The following KIAA1217 variants were observed in gnomAD, a reference collection of about 807,000 sequenced individuals.
The protein encoded by KIAA1217 is KIAA1217.
KIAA1217 carries 88 observed loss-of-function variants against 163.9 expected under a neutral mutation model. The ratio of observed to expected loss-of-function variants is 0.54; its 90% CI spans 0.45 to 0.64. The LOEUF (loss-of-function observed/expected upper bound fraction) is 0.64. Among genes scored for constraint, KIAA1217 ranks in the 30% least tolerant of loss-of-function variants. The probability of loss-of-function intolerance (pLI) is 0.00; values close to 1 mark genes in which losing one functional copy is unlikely to be tolerated. For synonymous variants in KIAA1217, 903 were observed against 923.1 expected (o/e 0.98, Z 0.39); for missense variants, 2,372 against 2,475.0 (o/e 0.96, Z 0.88).
chr10:24,055,133 G>A (rs553334102), intron 2 of KIAA1217, among the ~76,000 whole-genome samples: 1 of 152,222 alleles, frequency 6.6e-6, no homozygotes, highest in Non-Finnish European at 1.5e-5. Flanking sequence ...CAGGCATGGT[G>A]GCATGCACCT....
intron 2 of KIAA1217, among the ~76,000 whole-genome samples, chr10:24,178,928 G>T (rs2066038305): frequency 6.6e-6 from 1 of 152,084 alleles, no homozygotes; most frequent in Admixed American, 6.6e-5. Flanking sequence ...TAAATCATAA[G>T]TCAGATGTCA....
rs187823084 is a variant in KIAA1217 at position 24,298,145 on chromosome 10, A to G, written c.354+78236A>G. On this transcript the variant is annotated intron_variant, in intron 2 of 20. Coordinates refer to ENST00000376454, the MANE Select transcript of KIAA1217 (RefSeq NM_019590.5). ...GAGGATACTGTCCTTTGTTTTGTTT[A>G]GAACTTTACTATACAGTAATGTCTC... is the stretch of plus-strand genomic sequence containing the variant. Among the ~76,000 whole-genome samples, 212 of 152,330 alleles carry G rather than the reference A, an allele frequency of 1.4e-3. 1 individual carries two copies. Among genetic ancestry groups the G allele is most frequent in the Admixed American group, 9.3e-3 (142 of 15,292 alleles).
intron 1 of KIAA1217, among the ~76,000 whole-genome samples, chr10:23,920,678 G>A (rs1177380469): frequency 6.6e-6 from 1 of 152,088 alleles, no homozygotes; most frequent in African/African-American, 2.4e-5. Flanking sequence ...TCAGTGACAG[G>A]GACTTCTCTG....
At chr10:24,450,759 C>G (rs766187527) in intron 5 of KIAA1217, among the ~76,000 whole-genome samples, 1 of 152,130 alleles carries the variant, frequency 6.6e-6, no homozygotes, top group African/African-American at 2.4e-5. Context: ...AAAACCAAGG[C>G]TCAGAGAGGA....
chr10:23,864,072 G>GTTA (rs148144520), intron 1 of KIAA1217, among the ~76,000 whole-genome samples: 13,186 of 149,088 alleles, frequency 0.088, 620 homozygotes, highest in Admixed American at 0.1. Context: ...TTGTAAAGTA[G>GTTA]TTATTATTAT....
Position 24,543,219 on chromosome 10 carries a change from T to C in KIAA1217, c.3949T>C (p.Cys1317Arg), listed in dbSNP as rs927194831. ...KEMEKQNTDK[C>R]HVSSHTRLTE... ...GATGGAAAAGCAAAATACGGATAAG[T>C]GTCACGTTTCCTCTCACACTAGACT... The change falls in exon 19 of 21, where the codon TGT becomes CGT. Residue 1317 changes from cysteine to arginine, a missense_variant. This residue lies in a region of KIAA1217 where 251 missense variants were observed against 327.3 expected (regional missense o/e 0.77). Transcript: ENST00000376454. 1 of 1,613,038 alleles carries C rather than the reference T, an allele frequency of 6.2e-7. No homozygotes were observed. Among genetic ancestry groups the C allele is most frequent in the African/African-American group, 1.3e-5 (1 of 74,674 alleles).
At chr10:23,784,946 A>G (rs939022303) in intron 1 of KIAA1217, among the ~76,000 whole-genome samples, 11 of 152,112 alleles carry the variant, frequency 7.2e-5, no homozygotes, top group African/African-American at 2.7e-4. Flanking sequence ...AAAAAAACCA[A>G]CGCTTTTGAA....
intron 2 of KIAA1217, among the ~76,000 whole-genome samples, chr10:24,142,989 T>G (rs1192007981): frequency 6.6e-6 from 1 of 152,202 alleles, no homozygotes; most frequent in East Asian, 1.9e-4. Context: ...CGTATACCCT[T>G]AAAAAGCAGA....
Position 24,528,015 on chromosome 10 carries a change from A to G in KIAA1217, c.2978A>G (p.Glu993Gly). 1 of 1,614,066 alleles carries G rather than the reference A, an allele frequency of 6.2e-7. No individual in the cohort carries two copies. Among genetic ancestry groups the G allele is most frequent in the Admixed American group, 1.7e-5 (1 of 60,024 alleles). Residue 993 changes from glutamate to glycine, a missense_variant, in exon 14 of 21, where the codon GAA (glutamate) becomes GGA (glycine). This residue lies in a region of KIAA1217 where 1,431 missense variants were observed against 1,470.3 expected (regional missense o/e 0.97). Transcript: ENST00000376454. ...NGKEFEKLLE[E>G]AQANIMKSIP... ...AAAGAGTTTGAGAAGCTCCTAGAAG[A>G]AGCTCAGGCCAATATCATGAAGTCA...
intron 9 of KIAA1217, among the ~76,000 whole-genome samples, chr10:24,511,254 A>T (rs760672480): frequency 2.7e-5 from 4 of 150,408 alleles, no homozygotes; most frequent in Non-Finnish European, 4.4e-5. Flanking sequence ...GAGATTAGCC[A>T]CAAGGGAAGC....
chr10:24,231,304 C>T (rs986159343), intron 2 of KIAA1217, among the ~76,000 whole-genome samples: 3 of 151,940 alleles, frequency 2.0e-5, no homozygotes, highest in African/African-American at 4.8e-5. Flanking sequence ...TAACGGAGTG[C>T]GACTCTGTCT....
chr10:23,867,802 T>A (rs1225722344), intron 1 of KIAA1217, among the ~76,000 whole-genome samples: 2 of 152,166 alleles, frequency 1.3e-5, no homozygotes, highest in African/African-American at 4.8e-5. Context: ...TTCTGTAGGT[T>A]GCCTGTTCAC....
intron 1 of KIAA1217, among the ~76,000 whole-genome samples, chr10:23,790,516 T>TACATGTGC (rs1835829045): frequency 9.6e-6 from 1 of 103,692 alleles, no homozygotes; most frequent in African/African-American, 4.9e-5. Context: ...TATACATATG[T>TACATGTGC]ATATATACAT....
chr10:24,081,367 G>C (rs2061532744), intron 2 of KIAA1217, among the ~76,000 whole-genome samples: 1 of 152,172 alleles, frequency 6.6e-6, no homozygotes, highest in African/African-American at 2.4e-5. Flanking sequence ...TACCAAGGCA[G>C]AGTTTCTGTC....
intron 5 of KIAA1217, chr10:24,449,348 T>G (rs141949246): frequency 5.2e-5 from 26 of 497,648 alleles, no homozygotes; most frequent in East Asian, 1.5e-4. Flanking sequence ...TTTTTGTCAT[T>G]GAGAGGTTAT....
At position 24,533,203 on chromosome 10, in the gene KIAA1217, A is replaced by G; in HGVS notation, c.3380A>G (p.Glu1127Gly). The change falls in exon 16 of 21, where the codon GAA (glutamate) becomes GGA (glycine). Residue 1127 changes from glutamate to glycine, a missense_variant. Physicochemically the swap from Glu to Gly is moderately conservative, Grantham distance 98. This residue lies in a region of KIAA1217 where 1,431 missense variants were observed against 1,470.3 expected (regional missense o/e 0.97). Transcript: ENST00000376454. ...TSSSKDEEEE[E>G]EEGDKIMAEL... is the part of the protein sequence containing the mutation. ...TCCTCAAAGGATGAGGAGGAAGAAG[A>G]AGAAGAAGGAGACAAAATAATGGCA... The G allele has an allele frequency of 1.2e-6, 2 of 1,613,226 alleles. No individual in the cohort carries two copies. The highest frequency in any genetic ancestry group is 2.2e-5 in the East Asian group (1 of 44,860).
chr10:24,415,227 G>A (rs149902194), intron 3 of KIAA1217, among the ~76,000 whole-genome samples: 1 of 150,146 alleles, frequency 6.7e-6, no homozygotes, highest in Non-Finnish European at 1.5e-5. Flanking sequence ...CGATTCTCCT[G>A]CCTCAGCCTC....
intron 2 of KIAA1217, among the ~76,000 whole-genome samples, chr10:24,226,845 T>A (rs2070630612): frequency 6.6e-6 from 1 of 152,116 alleles, no homozygotes; most frequent in Non-Finnish European, 1.5e-5. Flanking sequence ...CTGCACAGTT[T>A]GGAAATGCTA....
rs117240030 is a variant in KIAA1217, at chr10:24,266,404, T to C, written c.354+46495T>C. On this transcript the variant is annotated intron_variant, in intron 2 of 20. Transcript: ENST00000376454. ...TAAAGACTGATCATTTTTTATCAGT[T>C]GTCCAAAGACTTCATCTTTTCTCCT... Among the ~76,000 whole-genome samples the C allele has an allele frequency of 9.1e-4, 139 of 152,306 alleles. 1 individual carries two copies. Among genetic ancestry groups the C allele is most frequent in the South Asian group, 2.3e-3 (11 of 4,822 alleles).
Sources: gnomAD v4.1 joint callset for allele counts (sites outside exome capture counted in the v4.1 genomes callset) on GRCh38, gnomAD v4.1.1 for gene constraint, gnomAD v4.1.1 regional missense constraint, MANE v1.5 for transcripts, NCBI Gene and HGNC (gene_info 2026-07-23, HGNC 2026-07-21) for gene names.